NHLRC2: variants seen among roughly 807,000 people sequenced by gnomAD.
The protein encoded by NHLRC2 is NHL repeat containing 2, also known as NHL repeat-containing protein 2.
A neutral mutation model predicts 68.1 loss-of-function variants in NHLRC2; 33 were observed. The ratio of observed to expected loss-of-function variants is 0.48; its 90% CI spans 0.37 to 0.65. The LOEUF is 0.65. NHLRC2 is among the 30% of genes least tolerant of loss of function. The pLI is 0.00. For missense variants in NHLRC2, 761 were observed against 853.8 expected (o/e 0.89, Z 1.35); for synonymous variants, 311 against 309.6 (o/e 1.00, Z -0.05).
chr10:113,908,569 C>G lies in NHLRC2; in HGVS notation c.*33C>G. 1 of 1,609,382 alleles carries G rather than the reference C, an allele frequency of 6.2e-7. No homozygotes were observed. Among genetic ancestry groups the G allele is most frequent in the South Asian group, 1.1e-5 (1 of 90,820 alleles). On this transcript the variant is annotated 3_prime_UTR_variant, in exon 11 of 11. Coordinates refer to ENST00000369301, the MANE Select transcript of NHLRC2 (RefSeq NM_198514.4). ...GCTAGCTAGCAACCCATTGCCACCA[C>G]CTACTGTCTCCCATCCTGACTATCA...
chr10:113,872,967 C>G (rs1253362567), intron 2 of NHLRC2, among the ~76,000 whole-genome samples: 1 of 152,046 alleles, frequency 6.6e-6, no homozygotes, highest in Non-Finnish European at 1.5e-5. Flanking sequence ...CTACCAGGTA[C>G]CGGGGGTGAT....
chr10:113,891,840 A>G (rs899945910), intron 5 of NHLRC2, among the ~76,000 whole-genome samples: 2 of 152,100 alleles, frequency 1.3e-5, no homozygotes, highest in African/African-American at 4.8e-5. Flanking sequence ...GCCTTGAGGA[A>G]AGGATGTGGG....
intron 5 of NHLRC2, among the ~76,000 whole-genome samples, chr10:113,886,383 A>G (rs1846082615): frequency 1.3e-5 from 2 of 152,192 alleles, no homozygotes; most frequent in African/African-American, 4.8e-5. Flanking sequence ...AATAGAAAAA[A>G]ACTATCTTAA....
chr10:113,894,362 G>A (rs1258846630), intron 5 of NHLRC2, among the ~76,000 whole-genome samples: 1 of 152,000 alleles, frequency 6.6e-6, no homozygotes, highest in Non-Finnish European at 1.5e-5. Context: ...TTTACCCTTA[G>A]GTGTTTGATG....
Position 113,884,254 on chromosome 10 carries a change from G to T in NHLRC2, c.913G>T (p.Asp305Tyr). 6.2e-7 allele frequency: 1 copy of T among 1,607,450 alleles called. No homozygotes were observed. The highest frequency in any genetic ancestry group is 1.1e-5 in the South Asian group (1 of 90,524). The stretch of plus-strand genomic sequence containing the variant: ...ACCATCCTTTGAATTTCTATAGATT[G>T]ACCTAGAAGCTGAGAAGGTGAGCAC... ...DTENHLIRKIDLEAEKVSTVA... is the reference protein window; with the variant it reads ...DTENHLIRKIYLEAEKVSTVA... Residue 305 changes from aspartate to tyrosine, a missense_variant, in exon 5 of 11, where the codon GAC (aspartate) becomes TAC (tyrosine). By Grantham distance (160) the Asp-to-Tyr change is radical. Transcript: ENST00000369301.
At chr10:113,873,433 G>A (rs370439378) in intron 2 of NHLRC2, among the ~76,000 whole-genome samples, 6 of 152,150 alleles carry the variant, frequency 3.9e-5, no homozygotes, top group East Asian at 3.8e-4. Flanking sequence ...ATAATAATGA[G>A]AGAACTAATA....
intron 6 of NHLRC2, 95 bp from the exon 7 acceptor site, chr10:113,901,571 A>C (rs1160325699): frequency 1.3e-6 from 1 of 784,806 alleles, no homozygotes; most frequent in Non-Finnish European, 2.2e-6. Flanking sequence ...GAGGCTTATC[A>C]CTTTTGATTT....
intron 5 of NHLRC2, among the ~76,000 whole-genome samples, chr10:113,897,563 G>C (rs1024162488): frequency 3.3e-5 from 5 of 152,204 alleles, no homozygotes; most frequent in Non-Finnish European, 7.3e-5. Flanking sequence ...TTGGATGCCA[G>C]TATATGTAAC....
Position 113,854,802 on chromosome 10 carries a change from G to A in NHLRC2, c.-71G>A, listed in dbSNP as rs1476664459. On this transcript the variant is annotated 5_prime_UTR_variant, in exon 1 of 11. In the 5' UTR this introduces an upstream ATG that the reference lacks. Coordinates refer to ENST00000369301, the MANE Select transcript of NHLRC2 (RefSeq NM_198514.4). Reference sequence around the variant, plus strand: ...TGCGCCGTTTGGAAACCACAGGACAGTGAACGTTTCGTCTCTCCCAGCGAG... The same window carrying A: ...TGCGCCGTTTGGAAACCACAGGACAATGAACGTTTCGTCTCTCCCAGCGAG... The A allele has an allele frequency of 2.2e-6, 3 of 1,351,508 alleles. No individual in the cohort carries two copies. The highest frequency in any genetic ancestry group is 1.5e-5 in the African/African-American group (1 of 68,390). The allele number at this position is 1,351,508 out of a possible 1,614,324, so 83.7% of individuals were successfully genotyped here.
intron 3 of NHLRC2, among the ~76,000 whole-genome samples, chr10:113,877,701 TC>T (rs1845997250): frequency 6.6e-6 from 1 of 152,212 alleles, no homozygotes; most frequent in Admixed American, 6.5e-5. Flanking sequence ...CAAAAGTAAT[TC>T]ATTTCTTTGC....
rs1264937114 is a variant in NHLRC2, at chr10:113,876,894, T to C, written c.705T>C (p.Thr235=). 3 of 1,612,816 alleles carry C rather than the reference T, an allele frequency of 1.9e-6. No homozygotes were observed. The South Asian group carries it at 3.3e-5, about 18-fold the overall frequency. ...FPGKVTVDQV[T]DRLVIADTGH... ...GCAAAGTAACAGTAGACCAAGTTAC[T>C]GATAGATTGGTAATAGCAGACACTG... Residue 235 remains threonine, a synonymous_variant, in exon 3 of 11, where the codon ACT becomes ACC. Coordinates refer to ENST00000369301, the MANE Select transcript of NHLRC2 (RefSeq NM_198514.4).
chr10:113,884,168 TGA>T, intron 4 of NHLRC2, 81 bp from the exon 5 acceptor site: 2 of 1,272,690 alleles, frequency 1.6e-6, no homozygotes, highest in Non-Finnish European at 2.2e-6. Flanking sequence ...AATGTTCTAT[TGA>T]CTATTGAAAA....
chr10:113,901,817 A>G lies in NHLRC2; in HGVS notation c.1291A>G (p.Ser431Gly). Residue 431 changes from serine to glycine, a missense_variant, in exon 7 of 11, where the codon AGT becomes GGT. Transcript: ENST00000369301. Reference sequence around the variant, plus strand: ...CTGGAGCTGCTTGTTTGTAGCAGATAGTGAGAGCAGTACAGTGAGAACCGT... The same window carrying G: ...CTGGAGCTGCTTGTTTGTAGCAGATGGTGAGAGCAGTACAGTGAGAACCGT... ...DPWSCLFVADSESSTVRTVSL... is the reference protein window; with the variant it reads ...DPWSCLFVADGESSTVRTVSL... 6.2e-7 allele frequency: 1 copy of G among 1,614,186 alleles called. No homozygotes were observed.
intron 2 of NHLRC2, among the ~76,000 whole-genome samples, chr10:113,872,777 G>A (rs1373428323): frequency 5.7e-5 from 7 of 123,492 alleles, no homozygotes; most frequent in South Asian, 2.7e-4. Flanking sequence ...AAAAAAAAAA[G>A]TTAAAAGGTT....
At position 113,904,819 on chromosome 10, in the gene NHLRC2, C is replaced by T. The variant is rs1056037618; in HGVS notation, c.1707C>T (p.Leu569=). The change falls in exon 10 of 11, where the codon CTC becomes CTT. Residue 569 remains leucine (L), a splice_region_variant and synonymous_variant. Transcript: ENST00000369301. The part of the protein sequence containing the change: ...MDLETKMVSV[L]PIFRSENAVV... ...TAACAGATTTTCTTATTTCCTAGCT[C>T]CCCATCTTCAGATCTGAAAATGCTG... is the stretch of plus-strand genomic sequence containing the variant. 5.6e-6 allele frequency: 9 copies of T among 1,610,650 alleles called. No individual in the cohort carries two copies. The highest frequency in any genetic ancestry group is 2.2e-5 in the East Asian group (1 of 44,868).
At chr10:113,902,670 C>A (rs1846239133) in intron 8 of NHLRC2, 77 bp downstream of exon 8, 7 of 1,189,470 alleles carry the variant, frequency 5.9e-6, no homozygotes, top group Non-Finnish European at 8.6e-6. Context: ...TGTGAGCCTC[C>A]TACAACTGCC....
At position 113,912,727 on chromosome 10, in the gene NHLRC2, A is replaced by C. The variant is rs1188655787; in HGVS notation, c.*4191A>C. 6.6e-6 allele frequency: 1 copy of C among 152,250 alleles called. No individual in the cohort carries two copies. The highest frequency in any genetic ancestry group is 2.4e-5 in the African/African-American group (1 of 41,472). 9.4% of individuals were successfully genotyped at this position (152,250 alleles called of 1,614,324 possible). The stretch of plus-strand genomic sequence containing the variant: ...AAATCGGGCAGGTAGATGTTAGTTT[A>C]CAGAGGAGGAGACAGCTTTGGAATA... On this transcript the variant is annotated 3_prime_UTR_variant, in exon 11 of 11. Coordinates refer to ENST00000369301, the MANE Select transcript of NHLRC2 (RefSeq NM_198514.4).
chr10:113,908,642 A>G lies in NHLRC2; in HGVS notation c.*106A>G. 9.8e-7 allele frequency: 1 copy of G among 1,016,752 alleles called. No individual in the cohort carries two copies. Among genetic ancestry groups the G allele is most frequent in the South Asian group, 1.5e-5 (1 of 67,228 alleles). 63.0% of individuals were successfully genotyped at this position (1,016,752 alleles called of 1,614,324 possible). On this transcript the variant is annotated 3_prime_UTR_variant, in exon 11 of 11. Transcript: ENST00000369301. Reference sequence around the variant, plus strand: ...TTCAGTTCTGCCTCTGGATACCAAGATGCCCATTGCTCAGTTCAGACAACT... The same window carrying G: ...TTCAGTTCTGCCTCTGGATACCAAGGTGCCCATTGCTCAGTTCAGACAACT...
Position 113,916,631 on chromosome 10 carries a change from G to C in NHLRC2, c.*8095G>C, listed in dbSNP as rs1210235687. 1 of 152,100 alleles carries C rather than the reference G, an allele frequency of 6.6e-6. No individual in the cohort carries two copies. The highest frequency in any genetic ancestry group is 1.5e-5 in the Non-Finnish European group (1 of 68,010). 9.4% of individuals were successfully genotyped at this position (152,100 alleles called of 1,614,324 possible). On this transcript the variant is annotated 3_prime_UTR_variant, in exon 11 of 11. Transcript: ENST00000369301. ...CTTTACATGTGGATTATGAACAAAT[G>C]AAAGTTTGCTGTGTGATTGCAGTTT...
Sources: gnomAD v4.1 joint callset for allele counts (sites outside exome capture counted in the v4.1 genomes callset) on GRCh38, gnomAD v4.1.1 for gene constraint, MANE v1.5 for transcripts, NCBI Gene and HGNC (gene_info 2026-07-23, HGNC 2026-07-21) for gene names.